INSIG2: variants seen among roughly 807,000 people sequenced by gnomAD.
The protein encoded by INSIG2 is insulin induced gene 2.
A neutral mutation model predicts 27.2 loss-of-function variants in INSIG2; 10 were observed. The observed-to-expected ratio is 0.37, with a 90% confidence interval of 0.23 to 0.62. The LOEUF (loss-of-function observed/expected upper bound fraction) is 0.62, where lower values mean the gene tolerates loss of function less well. Ranked by LOEUF, INSIG2 falls within the 20% of genes least tolerant of loss-of-function variation. The pLI is 0.65. For synonymous variants in INSIG2, 97 were observed against 95.8 expected, an observed-to-expected ratio of 1.01 and a Z score of -0.07; for missense variants, 178 against 270.2, an observed-to-expected ratio of 0.66 and a Z score of 2.39.
rs1004063200 is a variant in INSIG2, at chr2:118,110,625, A to T, written c.*2303A>T. 7 of 152,260 alleles carry T rather than the reference A, an allele frequency of 4.6e-5. No homozygotes were observed. Among genetic ancestry groups the T allele is most frequent in the Admixed American group, 1.3e-4 (2 of 15,288 alleles). The allele number at this position is 152,260 out of a possible 1,614,324, so 9.4% of individuals were successfully genotyped here. A position where few individuals can be genotyped will look rare whatever the true frequency, so the allele number is the denominator to read the frequency against. The stretch of plus-strand genomic sequence containing the variant: ...AGGTCCTCTAGAAAATAAGATAATT[A>T]TAGCAAAAAATAAAATTGTTTTGAA... On this transcript the variant is annotated 3_prime_UTR_variant, in exon 6 of 6. Transcript: ENST00000245787.
At position 118,107,162 on chromosome 2, in the gene INSIG2, G is replaced by A. The variant is rs1678693651; in HGVS notation, c.609G>A (p.Met203Ile). 6.2e-7 allele frequency: 1 copy of A among 1,612,596 alleles called. No individual in the cohort carries two copies. Among genetic ancestry groups the A allele is most frequent in the African/African-American group, 1.3e-5 (1 of 74,876 alleles). ...PCIFFAGGIT[M>I]GNIGRQLAMY... ...TATTTTTTGCTGGAGGCATAACAAT[G>A]GGAAACATTGGTCGACAACTGGCAA... The change falls in exon 5 of 6, where the codon ATG (methionine) becomes ATA (isoleucine). Residue 203 changes from methionine to isoleucine, a missense_variant. By Grantham distance (10) the Met-to-Ile change is conservative. Transcript: ENST00000245787.
At chr2:118,100,112 G>A (rs759244337) in intron 2 of INSIG2, among the ~76,000 whole-genome samples, 1 of 152,066 alleles carries the variant, frequency 6.6e-6, no homozygotes, top group Admixed American at 6.6e-5. Context: ...AACACCAGCA[G>A]TTTCCAGTTT....
At chr2:118,089,904 G>C (rs907043767) in intron 1 of INSIG2, among the ~76,000 whole-genome samples, 2 of 152,220 alleles carry the variant, frequency 1.3e-5, no homozygotes, top group Non-Finnish European at 2.9e-5. Context: ...TTTAAAACCT[G>C]TAAGGGGCTG....
In INSIG2 at chr2:118,109,442, G is replaced by C. The variant is rs1342076316; in HGVS notation, c.*1120G>C. The C allele has an allele frequency of 6.6e-6, 1 of 152,164 alleles. No individual in the cohort carries two copies. Among genetic ancestry groups the C allele is most frequent in the Non-Finnish European group, 1.5e-5 (1 of 68,036 alleles). The allele number at this position is 152,164 out of a possible 1,614,324, so 9.4% of individuals were successfully genotyped here. On this transcript the variant is annotated 3_prime_UTR_variant, in exon 6 of 6. Coordinates refer to ENST00000245787, the MANE Select transcript of INSIG2 (RefSeq NM_016133.4). ...TCAAGTCTGTTTAAGAGTGTATTGA[G>C]ATGGCATTCTCTGCATGTTAAAGAT...
At position 118,106,846 on chromosome 2, in the gene INSIG2, G is replaced by A. The variant is rs1678684339; in HGVS notation, c.479G>A (p.Gly160Glu). 1 of 1,613,984 alleles carries A rather than the reference G, an allele frequency of 6.2e-7. No homozygotes were observed. The highest frequency in any genetic ancestry group is 8.5e-7 in the Non-Finnish European group (1 of 1,179,976). ...AGAAGTGGTTTTGGCCTTGGAGTAG[G>A]AATTGCCTTCTTGGCAACTGTGGTC... ...RSRSGFGLGV[G>E]IAFLATVVTQ... Residue 160 changes from glycine to glutamate, a missense_variant, in exon 4 of 6, where the codon GGA (glycine) becomes GAA (glutamate). Transcript: ENST00000245787.
Position 118,108,995 on chromosome 2 carries a change from T to C in INSIG2, c.*673T>C, listed in dbSNP as rs975477391. 3.9e-5 allele frequency: 6 copies of C among 152,208 alleles called. No homozygotes were observed. The highest frequency in any genetic ancestry group is 1.4e-4 in the African/African-American group (6 of 41,438). 9.4% of individuals were successfully genotyped at this position (152,208 alleles called of 1,614,324 possible). On this transcript the variant is annotated 3_prime_UTR_variant, in exon 6 of 6. Coordinates refer to ENST00000245787, the MANE Select transcript of INSIG2 (RefSeq NM_016133.4). Reference sequence around the variant, plus strand: ...TTTGACAGGTTTTACTGGAAGTATATGTGATGAGCAGAAGAGGTTATCAGC... The same window carrying C: ...TTTGACAGGTTTTACTGGAAGTATACGTGATGAGCAGAAGAGGTTATCAGC...
intron 5 of INSIG2, 95 bp from the exon 6 acceptor site, chr2:118,108,186 A>G: frequency 6.3e-6 from 5 of 792,376 alleles, no homozygotes; most frequent in Non-Finnish European, 1.0e-5. Context: ...ACATAGTAAT[A>G]AAATGTTCAT....
intron 3 of INSIG2, among the ~76,000 whole-genome samples, chr2:118,105,802 G>C (rs115992453): frequency 6.6e-6 from 1 of 152,072 alleles, no homozygotes; most frequent in Non-Finnish European, 1.5e-5. Flanking sequence ...TTGGTGATAC[G>C]TGTTCTCCCA....
intron 2 of INSIG2, among the ~76,000 whole-genome samples, chr2:118,097,274 C>T (rs773565844): frequency 1.3e-5 from 2 of 152,128 alleles, no homozygotes; most frequent in African/African-American, 2.4e-5. Context: ...TTTCTTCAAC[C>T]CATCTCATCT....
intron 1 of INSIG2, among the ~76,000 whole-genome samples, chr2:118,093,866 G>GAT (rs1558832708): frequency 6.9e-5 from 4 of 57,794 alleles, no homozygotes; most frequent in East Asian, 6.3e-4. Context: ...ATGATGATGA[G>GAT]GAGGAGGAGG....
intron 1 of INSIG2, among the ~76,000 whole-genome samples, chr2:118,092,819 A>G (rs1172134834): frequency 6.7e-6 from 1 of 149,164 alleles, no homozygotes; most frequent in East Asian, 1.9e-4. Flanking sequence ...GATGATGAGG[A>G]GGAGAGTTCT....
chr2:118,101,676 T>TG (rs1490548789), intron 2 of INSIG2, among the ~76,000 whole-genome samples: 1 of 152,240 alleles, frequency 6.6e-6, no homozygotes, highest in Non-Finnish European at 1.5e-5. Context: ...GGGATGCTTG[T>TG]TGCCATTTTA....
intron 1 of INSIG2, among the ~76,000 whole-genome samples, chr2:118,092,946 T>TGAGGAGGAG (rs1200287010): frequency 7.1e-6 from 1 of 140,354 alleles, no homozygotes; most frequent in Non-Finnish European, 1.5e-5. Context: ...ATGATGATGA[T>TGAGGAGGAG]GAGGAGGAGG....
At chr2:118,100,214 T>A (rs1678507310) in intron 2 of INSIG2, among the ~76,000 whole-genome samples, 1 of 151,940 alleles carries the variant, frequency 6.6e-6, no homozygotes, top group Non-Finnish European at 1.5e-5. Context: ...GTCACCTCTT[T>A]CCGTGAAGCT....
chr2:118,090,537 T>C (rs796402542), intron 1 of INSIG2, among the ~76,000 whole-genome samples: 17 of 152,124 alleles, frequency 1.1e-4, no homozygotes, highest in African/African-American at 4.1e-4. Context: ...TTTCCAGTAT[T>C]GATGATTCAT....
intron 1 of INSIG2, among the ~76,000 whole-genome samples, chr2:118,094,367 A>AGATGATGATGATGATGATGAT (rs34116355): frequency 4.2e-5 from 5 of 118,156 alleles, no homozygotes; most frequent in Admixed American, 2.5e-4. Context: ...AAAAGCAACC[A>AGATGATGATGATGATGATGAT]GATGATGATG....
intron 3 of INSIG2, among the ~76,000 whole-genome samples, chr2:118,104,631 A>G (rs993121968): frequency 6.6e-6 from 1 of 152,204 alleles, no homozygotes; most frequent in African/African-American, 2.4e-5. Context: ...AATAAACAGA[A>G]GCTAAAGAGG....
chr2:118,100,007 G>A (rs17047751), intron 2 of INSIG2, among the ~76,000 whole-genome samples: 2,075 of 152,252 alleles, frequency 0.014, 48 homozygotes, highest in African/African-American at 0.045. Flanking sequence ...GCAGGGTAAA[G>A]TCTTTATAAT....
At position 118,107,132 on chromosome 2, in the gene INSIG2, A is replaced by G. The variant is rs1678692395; in HGVS notation, c.579A>G (p.Pro193=). The change falls in exon 5 of 6, where the codon CCA becomes CCG. Residue 193 remains proline (P), a synonymous_variant. Coordinates refer to ENST00000245787, the MANE Select transcript of INSIG2 (RefSeq NM_016133.4). The part of the protein sequence containing the change: ...PDFLYVRSWL[P]CIFFAGGITM... ...TCCTCTATGTTCGTTCTTGGTTACC[A>G]TGTATATTTTTTGCTGGAGGCATAA... is the stretch of plus-strand genomic sequence containing the variant. 1 of 1,613,570 alleles carries G rather than the reference A, an allele frequency of 6.2e-7. No individual in the cohort carries two copies. Among genetic ancestry groups the G allele is most frequent in the East Asian group, 2.2e-5 (1 of 44,854 alleles).
Sources: gnomAD v4.1 joint callset for allele counts (sites outside exome capture counted in the v4.1 genomes callset) on GRCh38, gnomAD v4.1.1 for gene constraint, MANE v1.5 for transcripts, NCBI Gene and HGNC (gene_info 2026-07-23, HGNC 2026-07-21) for gene names.